Variants in CSMD1 observed in about 807,000 individuals in gnomAD.
CSMD1 encodes the protein CUB and sushi domain-containing protein 1.
Under a neutral mutation model 417.5 loss-of-function variants are expected in CSMD1, and 213 were observed. That is an observed-to-expected ratio of 0.51 (90% CI 0.46 to 0.57). The LOEUF (loss-of-function observed/expected upper bound fraction) is 0.57. CSMD1 is among the 20% of genes least tolerant of loss of function. CSMD1 has a pLI of 0.00. For synonymous variants in CSMD1, 2,862 were observed against 1,736.8 expected (o/e 1.65, Z -16.11); for missense variants, 6,923 against 4,529.7 (o/e 1.53, Z -15.17).
chr8:4,358,243 G>A (rs1801545334), intron 3 of CSMD1, among the ~76,000 whole-genome samples: 1 of 152,186 alleles, frequency 6.6e-6, no homozygotes, highest in African/African-American at 2.4e-5. Flanking sequence ...TCACTGTGGG[G>A]CTTGTTGAAC....
rs541873258 is a variant in CSMD1, at chr8:3,429,245, T to A, written c.1562-19640A>T. 7.9e-4 allele frequency among the ~76,000 whole-genome samples: 121 copies of A among 152,332 alleles called. 3 individuals carry two copies. In the South Asian group the frequency reaches 0.011, roughly 13 times the overall value. Reference sequence around the variant, plus strand: ...GGAGATGATGCAAATGCTACGAACCTTGATTTGACCATTTCACAATGTAAA... The same window carrying A: ...GGAGATGATGCAAATGCTACGAACCATGATTTGACCATTTCACAATGTAAA... On this transcript the variant is annotated intron_variant, in intron 12 of 69. Transcript: ENST00000635120.
At chr8:4,603,662 T>C (rs527340073) in intron 2 of CSMD1, among the ~76,000 whole-genome samples, 3 of 152,184 alleles carry the variant, frequency 2.0e-5, no homozygotes, top group Admixed American at 6.5e-5. Flanking sequence ...TAAAATGACG[T>C]GGGTTTCTGT....
At chr8:3,747,994 G>T (rs1056181417) in intron 6 of CSMD1, among the ~76,000 whole-genome samples, 1 of 152,198 alleles carries the variant, frequency 6.6e-6, no homozygotes, top group Admixed American at 6.5e-5. Flanking sequence ...CAAGGTGGAC[G>T]TGATTATTTC....
At chr8:4,805,390 G>A (rs978894055) in intron 1 of CSMD1, among the ~76,000 whole-genome samples, 12 of 152,140 alleles carry the variant, frequency 7.9e-5, no homozygotes, top group Non-Finnish European at 4.4e-5. Context: ...GATCTAATGT[G>A]ATAAATTATT....
intron 2 of CSMD1, among the ~76,000 whole-genome samples, chr8:4,518,278 CCAGCAG>C (rs747669367): frequency 1.3e-5 from 2 of 151,804 alleles, no homozygotes; most frequent in African/African-American, 4.8e-5. Flanking sequence ...CATCCGACGC[CCAGCAG>C]CAGCAGCAGA....
intron 1 of CSMD1, among the ~76,000 whole-genome samples, chr8:4,805,147 G>GT (rs534561294): frequency 6.6e-6 from 1 of 152,134 alleles, no homozygotes; most frequent in African/African-American, 2.4e-5. Context: ...CAGGGACGAT[G>GT]TTTTTTCCCC....
At chr8:4,511,962 T>C (rs765127868) in intron 2 of CSMD1, among the ~76,000 whole-genome samples, 34 of 152,064 alleles carry the variant, frequency 2.2e-4, no homozygotes, top group South Asian at 6.2e-4. Context: ...TACCCTAACA[T>C]CAACACCAGA....
At chr8:4,426,150 A>C (rs1797540360) in intron 2 of CSMD1, among the ~76,000 whole-genome samples, 2 of 151,928 alleles carry the variant, frequency 1.3e-5, no homozygotes, top group East Asian at 3.9e-4. Flanking sequence ...ATTTCCAGAC[A>C]GCATATACAG....
chr8:4,248,040 T>C (rs1014045991), intron 3 of CSMD1, among the ~76,000 whole-genome samples: 11 of 152,230 alleles, frequency 7.2e-5, no homozygotes, highest in African/African-American at 2.7e-4. Context: ...AGAGAAGTTA[T>C]TTATGATCAT....
intron 6 of CSMD1, among the ~76,000 whole-genome samples, chr8:3,720,887 C>A: frequency 6.6e-6 from 1 of 152,172 alleles, no homozygotes; most frequent in East Asian, 1.9e-4. Flanking sequence ...TCTCGGCTCA[C>A]TGCATGCAAC....
At chr8:4,757,016 G>A (rs772391786) in intron 1 of CSMD1, among the ~76,000 whole-genome samples, 9 of 152,294 alleles carry the variant, frequency 5.9e-5, no homozygotes, top group Non-Finnish European at 1.0e-4. Flanking sequence ...TTTATTAGTA[G>A]ACTGTTCTTA....
intron 52 of CSMD1, among the ~76,000 whole-genome samples, chr8:3,017,051 C>T (rs1036132815): frequency 2.0e-5 from 3 of 152,218 alleles, no homozygotes; most frequent in African/African-American, 7.2e-5. Flanking sequence ...GCCTTTCCTG[C>T]ATCCTGTATT....
chr8:3,017,434 A>G (rs530156810), intron 52 of CSMD1, among the ~76,000 whole-genome samples: 9 of 152,216 alleles, frequency 5.9e-5, no homozygotes, highest in African/African-American at 2.2e-4. Context: ...ACACCCAACG[A>G]CAGACACATA....
At chr8:4,250,519 A>G (rs1225063932) in intron 3 of CSMD1, among the ~76,000 whole-genome samples, 2 of 152,136 alleles carry the variant, frequency 1.3e-5, no homozygotes, top group Admixed American at 6.5e-5. Context: ...AATTATATGT[A>G]TATCGCCCAT....
chr8:4,890,534 C>T, intron 1 of CSMD1, among the ~76,000 whole-genome samples: 1 of 149,354 alleles, frequency 6.7e-6, no homozygotes, highest in Non-Finnish European at 1.5e-5. Flanking sequence ...GTGACTCTGA[C>T]ACCCTCCTCT....
chr8:3,812,151 A>C (rs1344211635), intron 5 of CSMD1, among the ~76,000 whole-genome samples: 1 of 152,220 alleles, frequency 6.6e-6, no homozygotes, highest in African/African-American at 2.4e-5. Context: ...TTCACATGAC[A>C]ATTCTGTAAG....
At chr8:3,890,563 G>A (rs942379751) in intron 5 of CSMD1, among the ~76,000 whole-genome samples, 9 of 151,938 alleles carry the variant, frequency 5.9e-5, no homozygotes, top group Admixed American at 4.6e-4. Flanking sequence ...CAAAATAATA[G>A]GTAACACATA....
At chr8:3,646,068 G>C (rs1797555730) in intron 7 of CSMD1, among the ~76,000 whole-genome samples, 1 of 150,626 alleles carries the variant, frequency 6.6e-6, no homozygotes, top group African/African-American at 2.4e-5. Flanking sequence ...AAAAGATTAA[G>C]TGAATTGTGG....
intron 3 of CSMD1, among the ~76,000 whole-genome samples, chr8:4,142,016 A>C (rs967405500): frequency 4.6e-5 from 7 of 150,820 alleles, no homozygotes; most frequent in South Asian, 2.1e-4. Flanking sequence ...TGATGTTCCA[A>C]AACTTCTATA....
Sources: gnomAD v4.1 joint callset for allele counts (sites outside exome capture counted in the v4.1 genomes callset) on GRCh38, gnomAD v4.1.1 for gene constraint, MANE v1.5 for transcripts, NCBI Gene and HGNC (gene_info 2026-07-23, HGNC 2026-07-21) for gene names.